HFM1: variants seen among roughly 807,000 people sequenced by gnomAD.
The protein encoded by HFM1 is helicase for meiosis 1.
In HFM1, 169 loss-of-function variants were observed where a neutral mutation model predicts 192.1. That is an observed-to-expected ratio of 0.88 (90% confidence interval 0.78 to 1.00). The LOEUF (loss-of-function observed/expected upper bound fraction) is 1.00. HFM1 is among the 50% of genes least tolerant of loss of function. The probability of loss-of-function intolerance (pLI) is 0.00; values close to 1 mark genes in which losing one functional copy is unlikely to be tolerated. For synonymous variants in HFM1, 525 were observed against 537.8 expected, an observed-to-expected ratio of 0.98 and a Z score of 0.33; for missense variants, 1,661 against 1,668.0, an observed-to-expected ratio of 1.00 and a Z score of 0.07.
At chr1:91,330,589 C>A (rs1453495226) in intron 20 of HFM1, among the ~76,000 whole-genome samples, 2 of 152,168 alleles carry the variant, frequency 1.3e-5, no homozygotes, top group East Asian at 1.9e-4. Context: ...AGAACTACCA[C>A]AAATCCTGCT....
chr1:91,353,637 T>C (rs1657276564), intron 13 of HFM1, among the ~76,000 whole-genome samples: 1 of 135,666 alleles, frequency 7.4e-6, no homozygotes, highest in South Asian at 2.3e-4. Context: ...AACTACTATA[T>C]TACTAGTAAA....
At chr1:91,374,267 G>A (rs907171859) in intron 13 of HFM1, among the ~76,000 whole-genome samples, 1 of 151,746 alleles carries the variant, frequency 6.6e-6, no homozygotes, top group Admixed American at 6.6e-5. Flanking sequence ...CACATTACAT[G>A]GGCTACTGCA....
At chr1:91,323,384 T>C (rs1372801835) in intron 21 of HFM1, among the ~76,000 whole-genome samples, 185 bp from the exon 22 acceptor site, 3 of 152,190 alleles carry the variant, frequency 2.0e-5, no homozygotes, top group Non-Finnish European at 4.4e-5. Context: ...CACTAACAAA[T>C]GCTTACAAAC....
At chr1:91,397,692 C>A (rs1020463219) in intron 2 of HFM1, among the ~76,000 whole-genome samples, 1 of 152,170 alleles carries the variant, frequency 6.6e-6, no homozygotes, top group East Asian at 1.9e-4. Context: ...TCCCCAAGAT[C>A]ACCCCCAGTT....
intron 11 of HFM1, among the ~76,000 whole-genome samples, chr1:91,376,145 T>C (rs1660883809): frequency 6.6e-6 from 1 of 152,026 alleles, no homozygotes; most frequent in Admixed American, 6.6e-5. Flanking sequence ...AGCAAATTAA[T>C]AGTTGGTTTA....
At chr1:91,364,607 C>CATATATAT (rs202070365) in intron 13 of HFM1, among the ~76,000 whole-genome samples, 15 of 97,912 alleles carry the variant, frequency 1.5e-4, no homozygotes, top group Admixed American at 4.3e-4. Context: ...TATACATATA[C>CATATATAT]ATATATATAT....
At chr1:91,402,472 A>G (rs1356787296) in intron 1 of HFM1, among the ~76,000 whole-genome samples, 1 of 152,184 alleles carries the variant, frequency 6.6e-6, no homozygotes, top group Non-Finnish European at 1.5e-5. Context: ...AGTAGTAAAA[A>G]TGAAACAAAC....
At chr1:91,297,932 C>G (rs1029130624) in intron 30 of HFM1, among the ~76,000 whole-genome samples, 1 of 152,206 alleles carries the variant, frequency 6.6e-6, no homozygotes, top group Non-Finnish European at 1.5e-5. Context: ...CGGAACAAAG[C>G]TGGACGGAGA....
chr1:91,299,184 C>G (rs1070745), intron 30 of HFM1, among the ~76,000 whole-genome samples: 152,116 of 152,300 alleles, frequency 1, 75,967 homozygotes, highest in Non-Finnish European at 1. Context: ...GATCAAAAGA[C>G]ACAAAGGCCA....
chr1:91,310,126 T>C (rs1386087575), intron 30 of HFM1, among the ~76,000 whole-genome samples: 1 of 152,172 alleles, frequency 6.6e-6, no homozygotes, highest in African/African-American at 2.4e-5. Context: ...ATCTACAATA[T>C]TTATGAGACA....
intron 30 of HFM1, among the ~76,000 whole-genome samples, chr1:91,280,391 G>A (rs1262116196): frequency 6.6e-6 from 1 of 152,232 alleles, no homozygotes; most frequent in African/African-American, 2.4e-5. Flanking sequence ...TGAGACTATA[G>A]TGGTAGTAAA....
At chr1:91,379,966 C>T (rs1177384859) in intron 8 of HFM1, 138 bp downstream of exon 8, 2 of 420,626 alleles carry the variant, frequency 4.8e-6, no homozygotes, top group Non-Finnish European at 8.4e-6. Context: ...AATTTAATGA[C>T]AAATAAGACC....
chr1:91,320,818 G>A (rs1030725635), intron 23 of HFM1, among the ~76,000 whole-genome samples: 2 of 152,160 alleles, frequency 1.3e-5, no homozygotes, highest in African/African-American at 4.8e-5. Context: ...ACAGCCTCAG[G>A]TGAGGTGGCA....
At position 91,353,039 on chromosome 1, in the gene HFM1, T is replaced by C. The variant is rs770600630; in HGVS notation, c.1831+12A>G. The C allele has an allele frequency of 1.3e-6, 2 of 1,502,032 alleles. No individual in the cohort carries two copies. Among genetic ancestry groups the C allele is most frequent in the African/African-American group, 1.4e-5 (1 of 72,096 alleles). 93.0% of individuals were successfully genotyped at this position (1,502,032 alleles called of 1,614,324 possible). On this transcript the variant is annotated intron_variant, in intron 15 of 38. Coordinates refer to ENST00000370425, the MANE Select transcript of HFM1 (RefSeq NM_001017975.6). ...TATTTTATAGTATCCACGAGAAATA[T>C]GTTTTACTTACAAAGAACTGGTAAA...
intron 20 of HFM1, among the ~76,000 whole-genome samples, chr1:91,326,444 A>C (rs932122790): frequency 3.5e-4 from 54 of 152,264 alleles, no homozygotes; most frequent in African/African-American, 1.2e-3. Flanking sequence ...AGGCCATGAG[A>C]GAGTGGCAGG....
intron 31 of HFM1, 99 bp from the exon 32 acceptor site, chr1:91,276,842 C>A: frequency 1.2e-6 from 1 of 810,068 alleles, no homozygotes; most frequent in Non-Finnish European, 1.9e-6. Flanking sequence ...TTACTTTTTT[C>A]ATGTTGCCCA....
chr1:91,311,334 G>A (rs893620941), intron 30 of HFM1, among the ~76,000 whole-genome samples: 30 of 152,234 alleles, frequency 2.0e-4, no homozygotes, highest in African/African-American at 7.0e-4. Context: ...GCATTCAGTT[G>A]TAAAAGGGGA....
intron 13 of HFM1, among the ~76,000 whole-genome samples, chr1:91,363,484 T>G (rs1658802980): frequency 1.4e-5 from 2 of 146,586 alleles, no homozygotes; most frequent in South Asian, 4.3e-4. Flanking sequence ...CACAATGAGA[T>G]ACCATCTCAT....
At chr1:91,337,427 T>C (rs1470569825) in intron 20 of HFM1, among the ~76,000 whole-genome samples, 3 of 151,388 alleles carry the variant, frequency 2.0e-5, no homozygotes, top group Non-Finnish European at 2.9e-5. Context: ...AAAAATAAAC[T>C]CAAAGAGACA....
Sources: gnomAD v4.1 joint callset for allele counts (sites outside exome capture counted in the v4.1 genomes callset) on GRCh38, gnomAD v4.1.1 for gene constraint, MANE v1.5 for transcripts, NCBI Gene and HGNC (gene_info 2026-07-23, HGNC 2026-07-21) for gene names.